Variants in CAB39 observed in about 807,000 individuals in gnomAD.
CAB39 encodes the protein calcium binding protein 39, also known as calcium-binding protein 39.
In CAB39, 8 loss-of-function variants were observed where a neutral mutation model predicts 40.0. The observed-to-expected ratio is 0.20, with a 90% CI of 0.12 to 0.36. The LOEUF is 0.36. Ranked by LOEUF, CAB39 falls within the 10% of genes least tolerant of loss-of-function variation. CAB39 has a pLI of 1.00. For synonymous variants in CAB39, 156 were observed against 141.6 expected, an observed-to-expected ratio of 1.10 and a Z score of -0.72; for missense variants, 270 against 401.1, an observed-to-expected ratio of 0.67 and a Z score of 2.79.
At chr2:230,724,722 A>C (rs1482523556) in intron 1 of CAB39, among the ~76,000 whole-genome samples, 2 of 145,422 alleles carry the variant, frequency 1.4e-5, no homozygotes, top group East Asian at 2.0e-4. Flanking sequence ...AAAAAAAAAA[A>C]CCTCTATGAG....
chr2:230,803,536 C>G (rs1318225192), intron 5 of CAB39, among the ~76,000 whole-genome samples: 2 of 152,200 alleles, frequency 1.3e-5, no homozygotes, highest in African/African-American at 4.8e-5. Context: ...TCTCCTTAAG[C>G]TGATAAGCAA....
chr2:230,783,298 T>C lies in CAB39; in HGVS notation c.115-7574T>C, dbSNP rs140965097. On this transcript the variant is annotated intron_variant, in intron 2 of 8. Coordinates refer to ENST00000258418, the MANE Select transcript of CAB39 (RefSeq NM_016289.4). ...TGAATCACTCAGCCAGTCTCTTTCC[T>C]TGTTCAGTGCTGTAACTCTTTGTTA... 3.3e-5 allele frequency among the ~76,000 whole-genome samples: 5 copies of C among 152,260 alleles called. No homozygotes were observed. The East Asian group carries it at 9.6e-4, about 29-fold the overall frequency.
chr2:230,784,826 G>C (rs371120559), intron 2 of CAB39, among the ~76,000 whole-genome samples: 5 of 152,286 alleles, frequency 3.3e-5, no homozygotes, highest in African/African-American at 1.2e-4. Context: ...GTCTGGCCAC[G>C]AGAGCACACC....
At chr2:230,759,182 A>G (rs1227462744) in intron 1 of CAB39, among the ~76,000 whole-genome samples, 2 of 152,222 alleles carry the variant, frequency 1.3e-5, no homozygotes, top group African/African-American at 4.8e-5. Context: ...AGGGGATTAC[A>G]GGATCTAATG....
intron 1 of CAB39, among the ~76,000 whole-genome samples, chr2:230,730,759 A>T (rs570831345): frequency 1.3e-5 from 2 of 152,140 alleles, no homozygotes; most frequent in Non-Finnish European, 2.9e-5. Context: ...AACTTATATG[A>T]ATATCCATTG....
intron 5 of CAB39, among the ~76,000 whole-genome samples, chr2:230,799,776 A>G (rs1051106129): frequency 3.9e-5 from 6 of 152,156 alleles, no homozygotes; most frequent in Non-Finnish European, 7.4e-5. Context: ...GGATGACCTG[A>G]GGTCGGGAGT....
rs1355304918 is a variant in CAB39 at position 230,818,728 on chromosome 2, A to T, written c.*24A>T. ...AATCTCCAATAAACATCTATGTTAAATCCAAATTCAGCATTTGCTGTTAGC... is the reference window on the plus strand; with the variant it reads ...AATCTCCAATAAACATCTATGTTAATTCCAAATTCAGCATTTGCTGTTAGC... On this transcript the variant is annotated 3_prime_UTR_variant, in exon 9 of 9. Transcript: ENST00000258418. The T allele has an allele frequency of 6.3e-7, 1 of 1,585,900 alleles. No homozygotes were observed. Among genetic ancestry groups the T allele is most frequent in the African/African-American group, 1.3e-5 (1 of 74,302 alleles).
chr2:230,769,355 A>G (rs1381878696), intron 2 of CAB39, among the ~76,000 whole-genome samples: 1 of 152,228 alleles, frequency 6.6e-6, no homozygotes, highest in Non-Finnish European at 1.5e-5. Flanking sequence ...ACAAGCAAGC[A>G]GAAAATCAGC....
At chr2:230,790,069 C>G (rs921052225) in intron 2 of CAB39, among the ~76,000 whole-genome samples, 5 of 151,986 alleles carry the variant, frequency 3.3e-5, no homozygotes, top group African/African-American at 1.2e-4. Context: ...ACTAAAAATA[C>G]AAAAATCGGC....
intron 1 of CAB39, among the ~76,000 whole-genome samples, chr2:230,755,947 A>G (rs1200289136): frequency 1.3e-5 from 2 of 152,230 alleles, no homozygotes; most frequent in Non-Finnish European, 2.9e-5. Context: ...TTCAAAACTC[A>G]GACATGTGCC....
intron 2 of CAB39, among the ~76,000 whole-genome samples, chr2:230,773,003 A>C (rs1357720333): frequency 2.1e-5 from 3 of 139,676 alleles, no homozygotes; most frequent in Non-Finnish European, 4.7e-5. Context: ...AAAAAAAAAA[A>C]CTATTGCTGT....
At chr2:230,778,721 G>A (rs768522876) in intron 2 of CAB39, among the ~76,000 whole-genome samples, 2 of 152,116 alleles carry the variant, frequency 1.3e-5, no homozygotes, top group Non-Finnish European at 2.9e-5. Context: ...CCTGTTACAC[G>A]TTACTTAACA....
intron 1 of CAB39, among the ~76,000 whole-genome samples, chr2:230,752,549 T>C (rs1695109822): frequency 6.6e-6 from 1 of 152,172 alleles, no homozygotes; most frequent in African/African-American, 2.4e-5. Flanking sequence ...GTCCTCGTTA[T>C]AGTGACAGGA....
At chr2:230,757,976 A>C (rs1034480834) in intron 1 of CAB39, among the ~76,000 whole-genome samples, 5 of 152,180 alleles carry the variant, frequency 3.3e-5, no homozygotes, top group African/African-American at 1.2e-4. Context: ...TAGGCATAGA[A>C]AAGTTATTTA....
chr2:230,813,549 C>G (rs898874587), intron 6 of CAB39, among the ~76,000 whole-genome samples: 1 of 152,174 alleles, frequency 6.6e-6, no homozygotes, highest in Admixed American at 6.5e-5. Context: ...AATTTCTATT[C>G]CGAATTACTT....
intron 1 of CAB39, among the ~76,000 whole-genome samples, chr2:230,754,281 TTC>T: frequency 6.7e-6 from 1 of 150,260 alleles, no homozygotes; most frequent in East Asian, 1.9e-4. Flanking sequence ...ATTTGTAGTA[TTC>T]TTTTTTCTTT....
intron 1 of CAB39, among the ~76,000 whole-genome samples, chr2:230,749,696 TCTATTTG>T (rs2124904381): frequency 6.6e-6 from 1 of 152,346 alleles, no homozygotes; most frequent in South Asian, 2.1e-4. Context: ...AATGTTCAGT[TCTATTTG>T]CTGAGAATTC....
intron 1 of CAB39, among the ~76,000 whole-genome samples, chr2:230,716,440 A>G (rs1694351568): frequency 1.3e-5 from 2 of 152,226 alleles, no homozygotes; most frequent in Admixed American, 1.3e-4. Flanking sequence ...ATGAAAATAC[A>G]CAAATCCAAC....
chr2:230,722,145 T>C (rs994415487), intron 1 of CAB39, among the ~76,000 whole-genome samples: 1 of 152,004 alleles, frequency 6.6e-6, no homozygotes, highest in Non-Finnish European at 1.5e-5. Flanking sequence ...AGAAATTTCA[T>C]GAAACAGTAC....
Sources: allele counts gnomAD v4.1 joint callset (sites outside exome capture counted in the v4.1 genomes callset), GRCh38; gene constraint gnomAD v4.1.1; transcripts MANE v1.5; gene names NCBI Gene and HGNC (gene_info 2026-07-23, HGNC 2026-07-21).